ZNF804B: variants seen among roughly 807,000 people sequenced by gnomAD.
ZNF804B encodes the protein zinc finger 804B.
In ZNF804B, 80 loss-of-function variants were observed where a neutral mutation model predicts 101.4. The observed-to-expected ratio is 0.79, with a 90% CI of 0.66 to 0.95. The LOEUF is 0.95. Ranked by LOEUF, ZNF804B falls within the 40% of genes least tolerant of loss-of-function variation. The pLI, the probability that ZNF804B is intolerant of heterozygous loss-of-function variation, is 0.00. For missense variants in ZNF804B, 1,673 were observed against 1,561.9 expected, an observed-to-expected ratio of 1.07 and a Z score of -1.20; for synonymous variants, 622 against 558.8, an observed-to-expected ratio of 1.11 and a Z score of -1.59.
chr7:88,980,422 G>C (rs1793679133), intron 1 of ZNF804B, among the ~76,000 whole-genome samples: 1 of 151,952 alleles, frequency 6.6e-6, no homozygotes. Context: ...TCACAGTCTT[G>C]GCTGGTTTGT....
intron 1 of ZNF804B, among the ~76,000 whole-genome samples, chr7:88,918,787 G>A (rs1792675342): frequency 6.6e-6 from 1 of 152,084 alleles, no homozygotes; most frequent in South Asian, 2.1e-4. Flanking sequence ...GGGGACGATA[G>A]ATTCTTCCTG....
At chr7:89,243,065 A>C (rs1371389143) in intron 2 of ZNF804B, among the ~76,000 whole-genome samples, 2 of 151,814 alleles carry the variant, frequency 1.3e-5, no homozygotes, top group Non-Finnish European at 3.0e-5. Context: ...AAGATTTTAC[A>C]AAATACAATC....
chr7:89,168,697 T>TA (rs1791179280), intron 1 of ZNF804B, among the ~76,000 whole-genome samples: 1 of 128,536 alleles, frequency 7.8e-6, no homozygotes, highest in Non-Finnish European at 1.7e-5. Flanking sequence ...TTTTTTTTTT[T>TA]TTTTTTTTGC....
At chr7:88,981,846 G>A (rs897548478) in intron 1 of ZNF804B, among the ~76,000 whole-genome samples, 6 of 151,974 alleles carry the variant, frequency 3.9e-5, no homozygotes, top group African/African-American at 7.2e-5. Flanking sequence ...TGGGCCAAGA[G>A]GCTCCTGCTG....
intron 1 of ZNF804B, among the ~76,000 whole-genome samples, chr7:88,863,761 G>T (rs1425752638): frequency 2.0e-5 from 3 of 152,160 alleles, no homozygotes; most frequent in African/African-American, 7.2e-5. Context: ...AGGAGGGCCA[G>T]GTGGCAGAAC....
chr7:89,192,737 A>C (rs1243365481), intron 1 of ZNF804B, among the ~76,000 whole-genome samples: 1 of 152,020 alleles, frequency 6.6e-6, no homozygotes, highest in Non-Finnish European at 1.5e-5. Context: ...GATGAATATC[A>C]ATGCAAACAT....
At chr7:89,068,552 CTCTTTT>C (rs1302271551) in intron 1 of ZNF804B, among the ~76,000 whole-genome samples, 1 of 152,074 alleles carries the variant, frequency 6.6e-6, no homozygotes, top group Non-Finnish European at 1.5e-5. Flanking sequence ...TTTCAAACTG[CTCTTTT>C]ATGCAAGGCA....
intron 1 of ZNF804B, among the ~76,000 whole-genome samples, chr7:88,920,061 T>C (rs2115995139): frequency 6.6e-6 from 1 of 152,204 alleles, no homozygotes; most frequent in South Asian, 2.1e-4. Flanking sequence ...ATAACATTAC[T>C]TCTCATCACT....
In ZNF804B at chr7:88,822,409, T is replaced by G. The variant is rs536037816; in HGVS notation, c.108+62325T>G. Among the ~76,000 whole-genome samples, 8 of 152,348 alleles carry G rather than the reference T, an allele frequency of 5.3e-5. No homozygotes were observed. In the South Asian group the frequency reaches 1.7e-3, roughly 32 times the overall value. On this transcript the variant is annotated intron_variant, in intron 1 of 3. Transcript: ENST00000333190. ...ATATTATTGTCATTACTGTTTATAG[T>G]TATCGCTAAATACAGCCCACAGGCC...
chr7:89,150,754 A>G (rs1224513116), intron 1 of ZNF804B, among the ~76,000 whole-genome samples: 2 of 152,082 alleles, frequency 1.3e-5, no homozygotes, highest in Non-Finnish European at 2.9e-5. Context: ...AAAAGTCCAA[A>G]TGAAGAGTGA....
chr7:88,949,941 A>G (rs1793192538), intron 1 of ZNF804B, among the ~76,000 whole-genome samples: 1 of 151,966 alleles, frequency 6.6e-6, no homozygotes, highest in South Asian at 2.1e-4. Context: ...ACACACTATC[A>G]TGTTCACACA....
intron 1 of ZNF804B, among the ~76,000 whole-genome samples, chr7:89,012,171 A>G (rs1477675376): frequency 1.3e-5 from 2 of 152,070 alleles, no homozygotes; most frequent in Admixed American, 1.3e-4. Context: ...CCTTCTAGCC[A>G]TGGCTGGGAC....
In ZNF804B at chr7:89,335,951, G is replaced by T. The variant is rs1194453666; in HGVS notation, c.2969G>T (p.Arg990Ile). 4 of 1,614,032 alleles carry T rather than the reference G, an allele frequency of 2.5e-6. No homozygotes were observed. The highest frequency in any genetic ancestry group is 4.5e-5 in the East Asian group (2 of 44,870). ...SEKIQYASES[R>I]NDQDSAIPRT... ...AAAATACAGTATGCAAGTGAGAGCAGAAATGATCAAGACAGTGCAATTCCA... is the reference window on the plus strand; with the variant it reads ...AAAATACAGTATGCAAGTGAGAGCATAAATGATCAAGACAGTGCAATTCCA... Residue 990 changes from arginine to isoleucine, a missense_variant, in exon 4 of 4, where the codon AGA (arginine) becomes ATA (isoleucine). Coordinates refer to ENST00000333190, the MANE Select transcript of ZNF804B (RefSeq NM_181646.5).
intron 1 of ZNF804B, among the ~76,000 whole-genome samples, chr7:89,049,314 T>G (rs1466878017): frequency 1.3e-5 from 2 of 152,166 alleles, no homozygotes; most frequent in Non-Finnish European, 2.9e-5. Flanking sequence ...TGCTTCTTAT[T>G]AGCACGATTC....
chr7:89,034,350 G>A (rs1192161489), intron 1 of ZNF804B, among the ~76,000 whole-genome samples: 1 of 151,982 alleles, frequency 6.6e-6, no homozygotes, highest in Admixed American at 6.6e-5. Context: ...TGCCGTGGTT[G>A]TTTGCTGCAA....
At chr7:89,180,489 C>T (rs926540010) in intron 1 of ZNF804B, among the ~76,000 whole-genome samples, 5 of 152,022 alleles carry the variant, frequency 3.3e-5, no homozygotes, top group African/African-American at 1.2e-4. Context: ...ATATTCAAGA[C>T]CCAAGAAAGA....
intron 1 of ZNF804B, among the ~76,000 whole-genome samples, chr7:89,197,260 T>TAAAAC (rs1788569745): frequency 6.6e-6 from 1 of 151,846 alleles, no homozygotes; most frequent in African/African-American, 2.4e-5. Context: ...TACTAACACC[T>TAAAAC]AAAACAAAAC....
intron 1 of ZNF804B, among the ~76,000 whole-genome samples, chr7:88,991,272 T>C (rs1312132643): frequency 1.3e-5 from 2 of 152,172 alleles, no homozygotes; most frequent in Non-Finnish European, 2.9e-5. Context: ...TGCCTCAAGA[T>C]ATTGATTTCC....
chr7:88,839,354 CGTTAT>C (rs895749903), intron 1 of ZNF804B, among the ~76,000 whole-genome samples: 4 of 151,818 alleles, frequency 2.6e-5, no homozygotes, highest in Non-Finnish European at 4.4e-5. Context: ...CCCATAAATT[CGTTAT>C]GTTATCTGAC....
Sources: allele counts gnomAD v4.1 joint callset (sites outside exome capture counted in the v4.1 genomes callset), GRCh38; gene constraint gnomAD v4.1.1; transcripts MANE v1.5; gene names NCBI Gene and HGNC (gene_info 2026-07-23, HGNC 2026-07-21).